Variants in RSBN1L observed in about 807,000 individuals in gnomAD.
RSBN1L encodes round spermatid basic protein 1 like.
RSBN1L carries 30 observed loss-of-function variants against 67.7 expected under a neutral mutation model. The ratio of observed to expected loss-of-function variants is 0.44; its 90% CI spans 0.33 to 0.60. RSBN1L has a LOEUF of 0.60. Among genes scored for constraint, RSBN1L ranks in the 20% least tolerant of loss-of-function variants. The pLI, the probability that RSBN1L is intolerant of heterozygous loss-of-function variation, is 0.02. For missense variants in RSBN1L, 992 were observed against 1,031.7 expected (o/e 0.96, Z 0.53); for synonymous variants, 433 against 387.0 (o/e 1.12, Z -1.39).
At chr7:77,702,201 C>T (rs1055528056) in intron 1 of RSBN1L, among the ~76,000 whole-genome samples, 29 of 146,502 alleles carry the variant, frequency 2.0e-4, no homozygotes, top group African/African-American at 7.1e-4. Context: ...CTCCTGACCT[C>T]ATGATCCACC....
intron 2 of RSBN1L, among the ~76,000 whole-genome samples, chr7:77,738,577 GTACTTAC>G (rs1336107960): frequency 2.0e-5 from 3 of 152,150 alleles, no homozygotes; most frequent in Non-Finnish European, 4.4e-5. Flanking sequence ...TGGCTCACAG[GTACTTAC>G]TACTGAGTAG....
chr7:77,717,310 T>C (rs1024911175), intron 1 of RSBN1L, among the ~76,000 whole-genome samples: 7 of 152,174 alleles, frequency 4.6e-5, no homozygotes, highest in African/African-American at 1.7e-4. Flanking sequence ...TAAGTTTTCT[T>C]CTAGTATTTT....
chr7:77,749,527 G>A lies in RSBN1L; in HGVS notation c.807G>A (p.Pro269=), dbSNP rs764853713. 3.1e-6 allele frequency: 5 copies of A among 1,610,680 alleles called. No individual in the cohort carries two copies. The highest frequency in any genetic ancestry group is 3.4e-5 in the Admixed American group (2 of 59,232). The part of the protein sequence containing the change: ...KHKENEKRKR[P]KMYSKSIQTI... The stretch of plus-strand genomic sequence containing the variant: ...AAGAGAATGAAAAACGGAAGCGTCC[G>A]AAAATGTATAGCAAATCTATTCAGA... Residue 269 remains proline (P), a synonymous_variant, in exon 3 of 8, where the codon CCG becomes CCA. Transcript: ENST00000334955.
intron 1 of RSBN1L, among the ~76,000 whole-genome samples, chr7:77,733,001 GT>G (rs1393523511): frequency 6.6e-6 from 1 of 152,042 alleles, no homozygotes; most frequent in Non-Finnish European, 1.5e-5. Flanking sequence ...GGCATTTAAG[GT>G]TGGATTTTGG....
intron 3 of RSBN1L, among the ~76,000 whole-genome samples, chr7:77,760,810 A>G (rs1430046851): frequency 1.3e-5 from 2 of 152,050 alleles, no homozygotes. Context: ...TAATTTTTGT[A>G]TTTTTAGTAG....
At chr7:77,775,898 A>T (rs1431817557) in intron 6 of RSBN1L, among the ~76,000 whole-genome samples, 1 of 152,142 alleles carries the variant, frequency 6.6e-6, no homozygotes, top group Non-Finnish European at 1.5e-5. Flanking sequence ...TGTACTAAAA[A>T]TACAAAAATT....
chr7:77,712,428 G>A (rs1196854214), intron 1 of RSBN1L, among the ~76,000 whole-genome samples: 2 of 151,848 alleles, frequency 1.3e-5, no homozygotes, highest in East Asian at 3.9e-4. Flanking sequence ...TTATAGACAC[G>A]TGCCATCATG....
chr7:77,743,604 G>A (rs1005713223), intron 2 of RSBN1L, among the ~76,000 whole-genome samples: 2 of 151,712 alleles, frequency 1.3e-5, no homozygotes, highest in African/African-American at 4.8e-5. Context: ...TCAAACTAAT[G>A]TGTTCTCCTG....
At chr7:77,700,438 A>G (rs1790801207) in intron 1 of RSBN1L, among the ~76,000 whole-genome samples, 1 of 152,234 alleles carries the variant, frequency 6.6e-6, no homozygotes, top group Admixed American at 6.5e-5. Context: ...AAACCAGAGC[A>G]TTTCACTGAA....
chr7:77,704,853 T>C (rs1790866447), intron 1 of RSBN1L, among the ~76,000 whole-genome samples: 1 of 152,024 alleles, frequency 6.6e-6, no homozygotes, highest in Non-Finnish European at 1.5e-5. Flanking sequence ...GCGCCTGTTA[T>C]CCCAGCTACT....
chr7:77,710,085 T>A (rs77541683), intron 1 of RSBN1L, among the ~76,000 whole-genome samples: 1 of 152,342 alleles, frequency 6.6e-6, no homozygotes, highest in East Asian at 1.9e-4. Context: ...ACTTTTGCTC[T>A]GTCTTTTCTA....
In RSBN1L at chr7:77,780,300, A is replaced by G. The variant is rs190263098; in HGVS notation, c.*1132A>G. 1.3e-5 allele frequency: 2 copies of G among 152,312 alleles called. No individual in the cohort carries two copies. Among genetic ancestry groups the G allele is most frequent in the Non-Finnish European group, 2.9e-5 (2 of 68,020 alleles). The allele number at this position is 152,312 out of a possible 1,614,324, so 9.4% of individuals were successfully genotyped here. ...CCCTTCTCCCCAAAATACATTGAAA[A>G]AAGTTTTATATTAAACTATTAAGAA... On this transcript the variant is annotated 3_prime_UTR_variant, in exon 8 of 8. Coordinates refer to ENST00000334955, the MANE Select transcript of RSBN1L (RefSeq NM_198467.3).
chr7:77,752,552 C>T (rs1047723870), intron 3 of RSBN1L, among the ~76,000 whole-genome samples: 1 of 152,178 alleles, frequency 6.6e-6, no homozygotes, highest in African/African-American at 2.4e-5. Context: ...CTTCTTCTTG[C>T]ACAGTTCTAT....
chr7:77,759,602 G>C (rs182796908), intron 3 of RSBN1L: 1 of 152,110 alleles, frequency 6.6e-6, no homozygotes, highest in East Asian at 1.9e-4. Flanking sequence ...CAGCAGAATT[G>C]AATCAACAGC....
At chr7:77,721,148 G>T (rs55869229) in intron 1 of RSBN1L, among the ~76,000 whole-genome samples, 36,528 of 151,796 alleles carry the variant, frequency 0.24, 4,632 homozygotes, top group South Asian at 0.28. Context: ...TCTGTTTCTT[G>T]CCTTGAGATA....
intron 6 of RSBN1L, among the ~76,000 whole-genome samples, chr7:77,774,538 C>T (rs1457571842): frequency 6.6e-6 from 1 of 152,100 alleles, no homozygotes. Flanking sequence ...ACCAGCCTGA[C>T]CAACATGGTA....
At chr7:77,773,014 G>A (rs1484537932) in intron 5 of RSBN1L, 133 bp from the exon 6 acceptor site, 11 of 512,970 alleles carry the variant, frequency 2.1e-5, no homozygotes, top group Non-Finnish European at 3.4e-5. Context: ...TTGTTTGTTC[G>A]TGTTCATTTT....
At chr7:77,726,760 C>T (rs1791208772) in intron 1 of RSBN1L, among the ~76,000 whole-genome samples, 1 of 148,956 alleles carries the variant, frequency 6.7e-6, no homozygotes, top group African/African-American at 2.5e-5. Flanking sequence ...CAGGCGCGTG[C>T]CACCACACCC....
intron 3 of RSBN1L, among the ~76,000 whole-genome samples, chr7:77,763,236 T>C (rs1791719142): frequency 6.6e-6 from 1 of 151,604 alleles, no homozygotes; most frequent in Non-Finnish European, 1.5e-5. Flanking sequence ...GCCTCTGCCT[T>C]CTGGGTAGCT....
Sources: allele counts gnomAD v4.1 joint callset (sites outside exome capture counted in the v4.1 genomes callset), GRCh38; gene constraint gnomAD v4.1.1; transcripts MANE v1.5; gene names NCBI Gene and HGNC (gene_info 2026-07-23, HGNC 2026-07-21).